Variants in CPED1 observed in about 807,000 individuals in gnomAD.
CPED1 encodes cadherin-like and PC-esterase domain-containing protein 1.
CPED1 carries 114 observed loss-of-function variants against 128.2 expected under a neutral mutation model. The ratio of observed to expected loss-of-function variants is 0.89; its 90% CI spans 0.76 to 1.04. CPED1 has a LOEUF of 1.04. Among genes scored for constraint, CPED1 ranks in the 50% least tolerant of loss-of-function variants. The probability of loss-of-function intolerance (pLI) is 0.00; values close to 1 mark genes in which losing one functional copy is unlikely to be tolerated. For missense variants in CPED1, 1,211 were observed against 1,207.1 expected (o/e 1.00, Z -0.05); for synonymous variants, 462 against 426.7 (o/e 1.08, Z -1.02).
At chr7:121,242,869 C>T (rs886739788) in intron 17 of CPED1, among the ~76,000 whole-genome samples, 2 of 151,912 alleles carry the variant, frequency 1.3e-5, no homozygotes, top group African/African-American at 4.8e-5. Context: ...ACATTTCTTT[C>T]TCTTTCTGTG....
At chr7:120,995,672 A>G (rs1796384798) in intron 2 of CPED1, among the ~76,000 whole-genome samples, 1 of 152,172 alleles carries the variant, frequency 6.6e-6, no homozygotes, top group Admixed American at 6.6e-5. Context: ...TTCCATGAAT[A>G]GGACCTGTCA....
At chr7:121,047,691 CTTCTTCTTCTTCTTCTTCTTCTTCTTT>C (rs1793242193) in intron 4 of CPED1, among the ~76,000 whole-genome samples, 1 of 17,136 alleles carries the variant, frequency 5.8e-5, no homozygotes, top group Non-Finnish European at 1.5e-4. Flanking sequence ...TCTTCTTCTT[CTTCTTCTTCTTCTTCTTCTTCTTCTTT>C]TTTTTTTTTT....
chr7:121,289,034 A>G (rs1792639287), intron 22 of CPED1, among the ~76,000 whole-genome samples: 1 of 152,156 alleles, frequency 6.6e-6, no homozygotes, highest in African/African-American at 2.4e-5. Context: ...TTGCCATATA[A>G]CCAAATAAGG....
At chr7:121,076,269 A>T (rs1449837396) in intron 5 of CPED1, among the ~76,000 whole-genome samples, 1 of 152,214 alleles carries the variant, frequency 6.6e-6, no homozygotes, top group Non-Finnish European at 1.5e-5. Context: ...AATCAAAAAT[A>T]TAATTCCCCA....
intron 3 of CPED1, among the ~76,000 whole-genome samples, chr7:121,043,991 G>A (rs781237293): frequency 5.3e-5 from 8 of 152,036 alleles, no homozygotes; most frequent in African/African-American, 1.7e-4. Context: ...CCAAAGCCCC[G>A]CAATATATAG....
At chr7:121,253,601 G>A (rs1298924260) in intron 18 of CPED1, among the ~76,000 whole-genome samples, 1 of 151,934 alleles carries the variant, frequency 6.6e-6, no homozygotes, top group Non-Finnish European at 1.5e-5. Flanking sequence ...AATGTAAATG[G>A]GCTAAATGAC....
At chr7:121,196,599 T>G (rs1797278076) in intron 16 of CPED1, among the ~76,000 whole-genome samples, 1 of 152,096 alleles carries the variant, frequency 6.6e-6, no homozygotes, top group South Asian at 2.1e-4. Flanking sequence ...GCTGTGAGAA[T>G]TAAATAGGAG....
At chr7:121,051,977 A>G (rs2116919956) in intron 4 of CPED1, 1 of 152,298 alleles carries the variant, frequency 6.6e-6, no homozygotes, top group Non-Finnish European at 1.5e-5. Flanking sequence ...ACTGATCCAC[A>G]TCCAATAAAA....
chr7:121,287,118 A>G lies in CPED1; in HGVS notation c.2869-8322A>G, dbSNP rs1201115333. ...CTGGTCTCTCCCTTGACACGTGGAG[A>G]TTATGGAGATTACAATTCAAGATGG... On this transcript the variant is annotated intron_variant, in intron 22 of 22. Coordinates refer to ENST00000310396, the MANE Select transcript of CPED1 (RefSeq NM_024913.5). Among the ~76,000 whole-genome samples the G allele has an allele frequency of 3.9e-5, 6 of 152,238 alleles. No homozygotes were observed. The East Asian group carries it at 1.2e-3, about 29-fold the overall frequency.
chr7:121,203,631 C>G (rs544621632), intron 16 of CPED1, among the ~76,000 whole-genome samples: 1 of 152,216 alleles, frequency 6.6e-6, no homozygotes, highest in Admixed American at 6.5e-5. Flanking sequence ...CTCTGTCTCC[C>G]TCCTGTGCTG....
Position 121,127,281 on chromosome 7 carries a change from T to C in CPED1, c.1302+24T>C, listed in dbSNP as rs375317136. ...AGGTAAGTGCATATTTGTGTACTGA[T>C]AAATATTTTTTCAAGTCATTCCTTA... is the stretch of plus-strand genomic sequence containing the variant. On this transcript the variant is annotated intron_variant, in intron 10 of 22. Coordinates refer to ENST00000310396, the MANE Select transcript of CPED1 (RefSeq NM_024913.5). 3.2e-5 allele frequency: 46 copies of C among 1,418,570 alleles called. No homozygotes were observed. In the African/African-American group the frequency reaches 6.3e-4, roughly 19 times the overall value. 87.9% of individuals were successfully genotyped at this position (1,418,570 alleles called of 1,614,324 possible). A position where few individuals can be genotyped will look rare whatever the true frequency, so the allele number is the denominator to read the frequency against.
At chr7:121,209,730 A>C (rs982969246) in intron 16 of CPED1, among the ~76,000 whole-genome samples, 1 of 152,054 alleles carries the variant, frequency 6.6e-6, no homozygotes, top group African/African-American at 2.4e-5. Flanking sequence ...AAGCACAGAC[A>C]ACTAAAGCAA....
intron 18 of CPED1, chr7:121,261,510 T>G: frequency 2.9e-6 from 4 of 1,398,990 alleles, no homozygotes; most frequent in Non-Finnish European, 3.9e-6. Context: ...CAGTGTCTCC[T>G]GACATTAGGT....
intron 12 of CPED1, 132 bp from the exon 13 acceptor site, chr7:121,133,691 A>G: frequency 1.7e-6 from 1 of 589,538 alleles, no homozygotes; most frequent in Non-Finnish European, 3.0e-6. Flanking sequence ...GAGGATTGAA[A>G]TGCAGAAAGC....
intron 18 of CPED1, among the ~76,000 whole-genome samples, chr7:121,250,669 A>T (rs568003224): frequency 6.6e-6 from 1 of 152,362 alleles, no homozygotes; most frequent in East Asian, 1.9e-4. Context: ...ACAAACTACC[A>T]TCAGAGAATA....
intron 5 of CPED1, among the ~76,000 whole-genome samples, chr7:121,085,975 C>A (rs1364902967): frequency 6.6e-5 from 10 of 152,096 alleles, no homozygotes; most frequent in African/African-American, 2.2e-4. Flanking sequence ...ACTATTTATA[C>A]CATTGTGATC....
chr7:121,112,305 G>A (rs142589373), intron 7 of CPED1, among the ~76,000 whole-genome samples: 118 of 152,240 alleles, frequency 7.8e-4, no homozygotes, highest in African/African-American at 2.7e-3. Context: ...ATATCAACAT[G>A]AGATCTTCCT....
chr7:121,191,997 C>A (rs545915521), intron 16 of CPED1, among the ~76,000 whole-genome samples: 1 of 152,146 alleles, frequency 6.6e-6, no homozygotes, highest in East Asian at 1.9e-4. Flanking sequence ...TTGAAAATAT[C>A]TTGTGCAGTG....
intron 17 of CPED1, among the ~76,000 whole-genome samples, chr7:121,242,997 A>G (rs949642080): frequency 6.6e-6 from 1 of 152,184 alleles, no homozygotes; most frequent in Non-Finnish European, 1.5e-5. Context: ...TATAAAATGC[A>G]CTATATTCAT....
Sources: allele counts gnomAD v4.1 joint callset (sites outside exome capture counted in the v4.1 genomes callset), GRCh38; gene constraint gnomAD v4.1.1; transcripts MANE v1.5; gene names NCBI Gene and HGNC (gene_info 2026-07-23, HGNC 2026-07-21).